ETV1: variants seen among roughly 807,000 people sequenced by gnomAD.
The protein encoded by ETV1 is ETS variant transcription factor 1.
Under a neutral mutation model 62.3 loss-of-function variants are expected in ETV1, and 27 were observed. The observed-to-expected ratio is 0.43, with a 90% CI of 0.32 to 0.60. ETV1 has a LOEUF of 0.60. ETV1 is among the 20% of genes least tolerant of loss of function. The probability of loss-of-function intolerance (pLI) is 0.06; values close to 1 mark genes in which losing one functional copy is unlikely to be tolerated. For missense variants in ETV1, 605 were observed against 605.8 expected (o/e 1.00, Z 0.01); for synonymous variants, 222 against 199.6 (o/e 1.11, Z -0.94).
chr7:13,935,955 AG>A, intron 7 of ETV1, 59 bp from the exon 8 acceptor site: 1 of 1,363,652 alleles, frequency 7.3e-7, no homozygotes, highest in Non-Finnish European at 1.0e-6. Flanking sequence ...TTTTTAAAAA[AG>A]TTTCTAATCC....
chr7:13,951,180 A>T (rs894544288), intron 6 of ETV1, among the ~76,000 whole-genome samples: 1 of 152,062 alleles, frequency 6.6e-6, no homozygotes, highest in South Asian at 2.1e-4. Context: ...GTAAATGTGC[A>T]TGTGCATGTT....
intron 13 of ETV1, among the ~76,000 whole-genome samples, chr7:13,898,341 C>A (rs1187673472): frequency 6.6e-6 from 1 of 152,056 alleles, no homozygotes; most frequent in African/African-American, 2.4e-5. Flanking sequence ...TATGTTTTAT[C>A]TCTTAAAATT....
chr7:13,933,765 C>T (rs549385925), intron 8 of ETV1, among the ~76,000 whole-genome samples: 48 of 152,312 alleles, frequency 3.2e-4, no homozygotes, highest in South Asian at 1.7e-3. Flanking sequence ...GTACTGTCCT[C>T]AAAACTCAGT....
chr7:13,925,448 C>G (rs1476215798), intron 9 of ETV1, among the ~76,000 whole-genome samples: 2 of 152,180 alleles, frequency 1.3e-5, no homozygotes. Context: ...TAGACACAAA[C>G]CAATAGAAAG....
rs1488840704 is a variant in ETV1, at chr7:13,892,773, A to C, written c.*3093T>G. ...ATGTGACCATGGAAGCAGAGATTGA[A>C]GTGATGTAGCCAGGAGCCAAGGAAT... On this transcript the variant is annotated 3_prime_UTR_variant, in exon 14 of 14. Transcript: ENST00000430479. 1 of 232,378 alleles carries C rather than the reference A, an allele frequency of 4.3e-6. No homozygotes were observed. Among genetic ancestry groups the C allele is most frequent in the Non-Finnish European group, 8.5e-6 (1 of 117,588 alleles). 14.4% of individuals were successfully genotyped at this position (232,378 alleles called of 1,614,324 possible). A position where few individuals can be genotyped will look rare whatever the true frequency, so the allele number is the denominator to read the frequency against.
At chr7:13,981,093 T>G (rs1583888751) in intron 5 of ETV1, among the ~76,000 whole-genome samples, 1 of 151,872 alleles carries the variant, frequency 6.6e-6, no homozygotes, top group South Asian at 2.1e-4. Context: ...CCTGTTGGGT[T>G]TTTTTTTAAA....
chr7:13,955,787 A>G (rs1410686330), intron 6 of ETV1, among the ~76,000 whole-genome samples: 1 of 152,220 alleles, frequency 6.6e-6, no homozygotes, highest in Non-Finnish European at 1.5e-5. Context: ...GAATTTTTGA[A>G]TTATATTAGC....
chr7:13,905,826 T>C (rs1262334932), intron 12 of ETV1, among the ~76,000 whole-genome samples: 1 of 152,170 alleles, frequency 6.6e-6, no homozygotes, highest in Admixed American at 6.5e-5. Flanking sequence ...GGAACAAGTG[T>C]CACGGACAAA....
At chr7:13,913,292 A>G (rs957997520) in intron 9 of ETV1, among the ~76,000 whole-genome samples, 5 of 152,226 alleles carry the variant, frequency 3.3e-5, no homozygotes, top group African/African-American at 1.2e-4. Context: ...TTATGCATCC[A>G]CAGATTATAG....
chr7:13,962,037 C>T (rs745771738), intron 6 of ETV1, among the ~76,000 whole-genome samples: 3 of 151,820 alleles, frequency 2.0e-5, no homozygotes, highest in South Asian at 2.1e-4. Flanking sequence ...AATGAATGCA[C>T]GTGTGATATA....
intron 13 of ETV1, 96 bp from the exon 14 acceptor site, chr7:13,896,183 A>G: frequency 2.2e-6 from 2 of 916,718 alleles, no homozygotes; most frequent in Non-Finnish European, 3.3e-6. Context: ...AATATACAGG[A>G]AAGGATGGGT....
intron 6 of ETV1, among the ~76,000 whole-genome samples, chr7:13,972,401 T>C (rs1399768282): frequency 6.6e-6 from 1 of 152,110 alleles, no homozygotes; most frequent in African/African-American, 2.4e-5. Context: ...CACTGCACTC[T>C]AGCCAGGGCA....
chr7:13,978,190 C>T (rs1023921842), intron 5 of ETV1, among the ~76,000 whole-genome samples: 3 of 152,230 alleles, frequency 2.0e-5, no homozygotes, highest in African/African-American at 7.2e-5. Flanking sequence ...ATCACTAGTT[C>T]GTCAGTCCTC....
In ETV1 at chr7:13,906,475, G is replaced by T. The variant is rs1027136314; in HGVS notation, c.1065C>A (p.Ala355=). 1.2e-6 allele frequency: 2 copies of T among 1,609,858 alleles called. No individual in the cohort carries two copies. The highest frequency in any genetic ancestry group is 3.4e-5 in the Admixed American group (2 of 59,460). ...LDDPSNSHFI[A]WTGRGMEFKL... Reference sequence around the variant, plus strand: ...TAAATTCCATGCCTCGACCAGTCCAGGCAATAAAATGAGAATTTGAAGGGT... The same window carrying T: ...TAAATTCCATGCCTCGACCAGTCCATGCAATAAAATGAGAATTTGAAGGGT... The change falls in exon 12 of 14, where the codon GCC becomes GCA. Residue 355 remains alanine (A), a synonymous_variant. Coordinates refer to ENST00000430479, the MANE Select transcript of ETV1 (RefSeq NM_004956.5).
chr7:13,919,065 A>G (rs1784528281), intron 9 of ETV1, among the ~76,000 whole-genome samples: 1 of 152,168 alleles, frequency 6.6e-6, no homozygotes, highest in South Asian at 2.1e-4. Context: ...TCTAGTCAAA[A>G]TAAAATCATG....
chr7:13,947,545 G>C (rs562101468), intron 6 of ETV1, among the ~76,000 whole-genome samples: 6 of 152,048 alleles, frequency 3.9e-5, no homozygotes, highest in African/African-American at 4.8e-5. Context: ...AAGAAGCTAA[G>C]CACCATGTCT....
At chr7:13,919,906 GAGAGA>G (rs1018398444) in intron 9 of ETV1, among the ~76,000 whole-genome samples, 1 of 152,064 alleles carries the variant, frequency 6.6e-6, no homozygotes, top group Non-Finnish European at 1.5e-5. Flanking sequence ...GAGAGAGAGA[GAGAGA>G]AGAGAGATCC....
chr7:13,981,579 A>G (rs1236414308), intron 5 of ETV1, among the ~76,000 whole-genome samples: 2 of 152,068 alleles, frequency 1.3e-5, no homozygotes, highest in Non-Finnish European at 2.9e-5. Context: ...ATCCTGCTTT[A>G]CAGAGTAACT....
At chr7:13,986,120 C>T (rs765958966) in intron 5 of ETV1, 15 of 1,583,530 alleles carry the variant, frequency 9.5e-6, no homozygotes, top group Middle Eastern at 1.7e-4. Context: ...ACACACCTAA[C>T]GTTCTGTGTT....
Sources: gnomAD v4.1 joint callset for allele counts (sites outside exome capture counted in the v4.1 genomes callset) on GRCh38, gnomAD v4.1.1 for gene constraint, MANE v1.5 for transcripts, NCBI Gene and HGNC (gene_info 2026-07-23, HGNC 2026-07-21) for gene names.